Variants in ANKRD28 observed in about 807,000 individuals in gnomAD.
ANKRD28 encodes the protein serine/threonine-protein phosphatase 6 regulatory ankyrin repeat subunit A.
ANKRD28 carries 44 observed loss-of-function variants against 126.5 expected under a neutral mutation model. The observed-to-expected ratio is 0.35, with a 90% CI of 0.27 to 0.45. The LOEUF (loss-of-function observed/expected upper bound fraction) is 0.45. Among genes scored for constraint, ANKRD28 ranks in the 20% least tolerant of loss-of-function variants. The probability of loss-of-function intolerance (pLI) is 1.00; values close to 1 mark genes in which losing one functional copy is unlikely to be tolerated. For synonymous variants in ANKRD28, 442 were observed against 468.5 expected, an observed-to-expected ratio of 0.94 and a Z score of 0.73; for missense variants, 1,110 against 1,316.6, an observed-to-expected ratio of 0.84 and a Z score of 2.43.
In ANKRD28 at chr3:15,761,844, T is replaced by C. The variant is rs2058472345; in HGVS notation, c.280+4390A>G. ...ATAACATGAATGAACTGAAGAAATA[T>C]CCACCAATCAAAATTCCTTCCTGAT... On this transcript the variant is annotated intron_variant, in intron 3 of 27. Coordinates refer to ENST00000683139, the MANE Select transcript of ANKRD28 (RefSeq NM_001349278.2). 2.6e-5 allele frequency among the ~76,000 whole-genome samples: 4 copies of C among 152,116 alleles called. No homozygotes were observed. In the South Asian group the frequency reaches 8.3e-4, roughly 32 times the overall value.
chr3:15,779,321 G>A (rs1280426359), intron 2 of ANKRD28, among the ~76,000 whole-genome samples: 1 of 152,110 alleles, frequency 6.6e-6, no homozygotes, highest in Non-Finnish European at 1.5e-5. Flanking sequence ...TGCCTTCACA[G>A]GAACCAGCAT....
intron 3 of ANKRD28, among the ~76,000 whole-genome samples, chr3:15,762,803 G>A (rs1437461791): frequency 6.6e-6 from 1 of 151,998 alleles, no homozygotes; most frequent in African/African-American, 2.4e-5. Flanking sequence ...TATATGCCAG[G>A]GACTTTTCTA....
chr3:15,781,967 T>C (rs2059558656), intron 2 of ANKRD28, among the ~76,000 whole-genome samples: 1 of 152,118 alleles, frequency 6.6e-6, no homozygotes. Flanking sequence ...CTGAAGCTGG[T>C]GAAAGAAACA....
intron 1 of ANKRD28, among the ~76,000 whole-genome samples, chr3:15,827,240 A>T (rs928960011): frequency 6.6e-6 from 1 of 152,206 alleles, no homozygotes; most frequent in Non-Finnish European, 1.5e-5. Flanking sequence ...TAAAATTGCC[A>T]TATGATCCAG....
chr3:15,795,078 T>C, intron 2 of ANKRD28, 145 bp downstream of exon 2: 1 of 611,568 alleles, frequency 1.6e-6, no homozygotes, highest in Non-Finnish European at 2.9e-6. Flanking sequence ...TCCAGTGTTT[T>C]CCCTTTTGCC....
intron 4 of ANKRD28, among the ~76,000 whole-genome samples, chr3:15,743,475 C>T (rs2057252584): frequency 6.6e-6 from 1 of 151,646 alleles, no homozygotes; most frequent in South Asian, 2.1e-4. Flanking sequence ...TCTTGACAGA[C>T]CTAAAATGTA....
chr3:15,837,338 G>T (rs1352037561), intron 1 of ANKRD28, among the ~76,000 whole-genome samples: 1 of 152,096 alleles, frequency 6.6e-6, no homozygotes, highest in African/African-American at 2.4e-5. Flanking sequence ...CCCAACAGCA[G>T]TATAACTTAT....
At chr3:15,834,816 T>C (rs1373699104) in intron 1 of ANKRD28, among the ~76,000 whole-genome samples, 2 of 152,244 alleles carry the variant, frequency 1.3e-5, no homozygotes, top group African/African-American at 2.4e-5. Context: ...GTACCAAATA[T>C]ATTTTTTAAA....
rs189319580 is a variant in ANKRD28 at position 15,763,244 on chromosome 3, T to C, written c.280+2990A>G. ...ACTCAAAGACAAATCATTCGCCTTCTTTCCCTTTCCACTTACCTGATACCC... is the reference window on the plus strand; with the variant it reads ...ACTCAAAGACAAATCATTCGCCTTCCTTCCCTTTCCACTTACCTGATACCC... On this transcript the variant is annotated intron_variant, in intron 3 of 27. Transcript: ENST00000683139. Among the ~76,000 whole-genome samples the C allele has an allele frequency of 7.3e-3, 1,115 of 152,336 alleles. 45 individuals carry two copies. The highest frequency in any genetic ancestry group is 0.068 in the Admixed American group (1,034 of 15,302).
chr3:15,764,912 T>C (rs1053983168), intron 3 of ANKRD28, among the ~76,000 whole-genome samples: 20 of 152,314 alleles, frequency 1.3e-4, no homozygotes, highest in African/African-American at 4.8e-4. Context: ...TGAAATCTGA[T>C]ATAGAAATAA....
intron 6 of ANKRD28, among the ~76,000 whole-genome samples, chr3:15,727,518 G>A (rs370358240): frequency 8.2e-6 from 1 of 121,328 alleles, no homozygotes; most frequent in East Asian, 2.8e-4. Flanking sequence ...AGTGAGCCAA[G>A]ATCACACCAC....
intron 26 of ANKRD28, 46 bp from the exon 27 acceptor site, chr3:15,676,035 GCACATA>G (rs752279913): frequency 1.5e-5 from 22 of 1,494,438 alleles, no homozygotes; most frequent in Admixed American, 1.1e-4. Flanking sequence ...GCATGTGCAT[GCACATA>G]CACATACACA....
At chr3:15,813,050 T>C (rs1282635454) in intron 1 of ANKRD28, among the ~76,000 whole-genome samples, 1 of 136,006 alleles carries the variant, frequency 7.4e-6, no homozygotes, top group African/African-American at 3.5e-5. Context: ...TCACCTCCTT[T>C]TTTTTTTTTT....
intron 3 of ANKRD28, among the ~76,000 whole-genome samples, chr3:15,765,310 T>A (rs1486531870): frequency 6.6e-6 from 1 of 152,018 alleles, no homozygotes; most frequent in Non-Finnish European, 1.5e-5. Flanking sequence ...TTAGAAAAAA[T>A]AATAAAGGAG....
intron 4 of ANKRD28, among the ~76,000 whole-genome samples, chr3:15,750,767 C>T (rs1174757673): frequency 6.6e-6 from 1 of 152,160 alleles, no homozygotes; most frequent in Non-Finnish European, 1.5e-5. Context: ...TTAGAGTTCC[C>T]TTTCCTTCTC....
chr3:15,736,328 T>G (rs2075014206), intron 5 of ANKRD28, among the ~76,000 whole-genome samples: 1 of 152,236 alleles, frequency 6.6e-6, no homozygotes, highest in Non-Finnish European at 1.5e-5. Context: ...GGTTTGGTAC[T>G]ATCCAATGTT....
intron 27 of ANKRD28, 103 bp downstream of exon 27, chr3:15,675,795 C>A: frequency 1.0e-6 from 1 of 984,136 alleles, no homozygotes; most frequent in South Asian, 2.1e-5. Flanking sequence ...AACTTTAGCT[C>A]TCCTCTTTGA....
intron 2 of ANKRD28, among the ~76,000 whole-genome samples, chr3:15,772,680 A>ATTAT (rs1243062863): frequency 6.6e-6 from 1 of 152,172 alleles, no homozygotes; most frequent in Non-Finnish European, 1.5e-5. Flanking sequence ...TTTTAAAAAA[A>ATTAT]TTATTTATTT....
At chr3:15,775,294 G>A (rs1430521135) in intron 2 of ANKRD28, among the ~76,000 whole-genome samples, 1 of 152,212 alleles carries the variant, frequency 6.6e-6, no homozygotes. Context: ...ATACAACTAT[G>A]TAGGAGGAAA....
Sources: gnomAD v4.1 joint callset for allele counts (sites outside exome capture counted in the v4.1 genomes callset) on GRCh38, gnomAD v4.1.1 for gene constraint, MANE v1.5 for transcripts, NCBI Gene and HGNC (gene_info 2026-07-23, HGNC 2026-07-21) for gene names.